Variants in CCDC33 observed in about 807,000 individuals in gnomAD.
CCDC33 encodes the protein coiled-coil domain containing 33.
CCDC33 carries 94 observed loss-of-function variants against 91.9 expected under a neutral mutation model. The observed-to-expected ratio is 1.02, with a 90% CI of 0.87 to 1.21. The LOEUF is 1.21. Ranked by LOEUF, CCDC33 falls within the 50% of genes most tolerant of loss-of-function variation. CCDC33 has a pLI of 0.00. For synonymous variants in CCDC33, 396 were observed against 374.5 expected, an observed-to-expected ratio of 1.06 and a Z score of -0.66; for missense variants, 940 against 935.5, an observed-to-expected ratio of 1.00 and a Z score of -0.06.
chr15:74,328,821 G>A (rs2060364783), intron 11 of CCDC33, among the ~76,000 whole-genome samples: 2 of 152,194 alleles, frequency 1.3e-5, no homozygotes, highest in African/African-American at 4.8e-5. Flanking sequence ...GTTGCTGGGG[G>A]CCGAGCTCTG....
chr15:74,217,265 A>C (rs1320849937), exon 1 of CCDC33: 3 of 1,259,876 alleles, frequency 2.4e-6, no homozygotes, highest in South Asian at 1.4e-5. Flanking sequence ...TTGGTCTCTC[A>C]GTGGCCATGG....
chr15:74,322,632 G>A (rs1401578100), intron 11 of CCDC33, among the ~76,000 whole-genome samples: 2 of 152,302 alleles, frequency 1.3e-5, no homozygotes, highest in Non-Finnish European at 2.9e-5. Flanking sequence ...CTGGAGGAAG[G>A]ACATGTGCTC....
rs778073465 is a variant in CCDC33 at position 74,268,346 on chromosome 15, C to T, written c.434C>T (p.Thr145Ile). Residue 145 changes from threonine to isoleucine, a missense_variant, in exon 5 of 19, where the codon ACT (threonine) becomes ATT (isoleucine). Physicochemically the swap from Thr to Ile is moderately conservative, Grantham distance 89. Transcript: ENST00000398814. The part of the protein sequence containing the change: ...HPYHFELVKP[T>I]ESGKADEATA... The stretch of plus-strand genomic sequence containing the variant: ...CTGCCCCAACCCTGTCTCCAGCCCA[C>T]TGAGTCTGGGAAAGCCGATGAAGCC... The T allele has an allele frequency of 6.2e-7, 1 of 1,612,696 alleles. No individual in the cohort carries two copies. The highest frequency in any genetic ancestry group is 8.5e-7 in the Non-Finnish European group (1 of 1,178,726).
intron 11 of CCDC33, among the ~76,000 whole-genome samples, chr15:74,321,062 C>G (rs917839104): frequency 6.6e-6 from 1 of 151,998 alleles, no homozygotes; most frequent in African/African-American, 2.4e-5. Flanking sequence ...AAACACTAGT[C>G]CCTTTCAGCA....
chr15:74,328,012 T>C (rs1444200593), intron 11 of CCDC33, among the ~76,000 whole-genome samples: 1 of 152,170 alleles, frequency 6.6e-6, no homozygotes, highest in East Asian at 1.9e-4. Flanking sequence ...TTTTCCTGGA[T>C]GTGTGTGTGC....
intron 2 of CCDC33, among the ~76,000 whole-genome samples, chr15:74,219,205 C>T (rs1390739744): frequency 1.3e-5 from 2 of 152,226 alleles, no homozygotes; most frequent in African/African-American, 2.4e-5. Context: ...GGACAGAAGC[C>T]TCCTCTGTGT....
intron 10 of CCDC33, among the ~76,000 whole-genome samples, chr15:74,287,292 G>A (rs952266525): frequency 6.6e-6 from 1 of 152,072 alleles, no homozygotes; most frequent in Non-Finnish European, 1.5e-5. Context: ...CTACCATAAG[G>A]ATGGATCCAG....
intron 2 of CCDC33, among the ~76,000 whole-genome samples, chr15:74,225,117 C>CGTGTGTGTGTGTGTGTGTGTGTGTGT (rs3057568): frequency 1.4e-5 from 2 of 139,832 alleles, no homozygotes; most frequent in African/African-American, 5.5e-5. Flanking sequence ...CTCCTGGAGG[C>CGTGTGTGTGTGTGTGTGTGTGTGTGT]GTGTGTGTGT....
chr15:74,214,370 C>T (rs1439965696), upstream of CCDC33, among the ~76,000 whole-genome samples: 13 of 152,212 alleles, frequency 8.5e-5, no homozygotes, highest in East Asian at 2.5e-3. Context: ...CCACTCACCC[C>T]AGCCCACATC....
chr15:74,226,316 G>A (rs1333597140), intron 2 of CCDC33, among the ~76,000 whole-genome samples: 1 of 152,226 alleles, frequency 6.6e-6, no homozygotes, highest in Non-Finnish European at 1.5e-5. Context: ...CATATGAGCA[G>A]TTATGACTTG....
intron 7 of CCDC33, among the ~76,000 whole-genome samples, chr15:74,278,650 G>T (rs56402620): frequency 0.063 from 9,579 of 152,296 alleles, 395 homozygotes; most frequent in Middle Eastern, 0.15. Context: ...CCACATTTTT[G>T]ATTGTGCTGT....
intron 2 of CCDC33, among the ~76,000 whole-genome samples, chr15:74,245,421 G>A (rs2075492467): frequency 6.6e-6 from 1 of 152,250 alleles, no homozygotes; most frequent in African/African-American, 2.4e-5. Flanking sequence ...CCGTGGTGAG[G>A]GAAGCACAGG....
chr15:74,333,738 G>T, intron 16 of CCDC33, 143 bp from the exon 17 acceptor site: 1 of 605,476 alleles, frequency 1.7e-6, no homozygotes, highest in Non-Finnish European at 2.9e-6. Flanking sequence ...AAGAGGGTTC[G>T]GCCCAGGTCT....
At chr15:74,311,719 C>A (rs2059997272) in intron 11 of CCDC33, 1 of 152,036 alleles carries the variant, frequency 6.6e-6, no homozygotes, top group African/African-American at 2.4e-5. Context: ...TTCTAAGAGT[C>A]GGTATCATAG....
At chr15:74,284,921 C>G (rs966720775) in intron 10 of CCDC33, among the ~76,000 whole-genome samples, 11 of 152,262 alleles carry the variant, frequency 7.2e-5, no homozygotes, top group African/African-American at 2.4e-4. Context: ...CTGGGGCCAT[C>G]AACTCTTCCA....
rs2076350942 is a variant in CCDC33 at position 74,272,705 on chromosome 15, G to A, written c.639-66G>A. On this transcript the variant is annotated intron_variant, in intron 6 of 18. Transcript: ENST00000398814. ...TGCATCAACCCAGAGTCTAAGCGGG[G>A]GGCCCTGGGCTGCCAGGCTCAGGTG... 3 of 1,585,512 alleles carry A rather than the reference G, an allele frequency of 1.9e-6. No individual in the cohort carries two copies. The Admixed American group carries it at 5.2e-5, about 28-fold the overall frequency.
chr15:74,236,769 T>C (rs762800806), intron 1 of CCDC33, 29 bp downstream of exon 1: 2 of 1,611,396 alleles, frequency 1.2e-6, no homozygotes, highest in Admixed American at 1.7e-5. Flanking sequence ...GCCATGCACC[T>C]GCATGAATCC....
At chr15:74,259,775 A>G (rs185041211) in intron 2 of CCDC33, among the ~76,000 whole-genome samples, 9 of 152,296 alleles carry the variant, frequency 5.9e-5, no homozygotes, top group Non-Finnish European at 1.3e-4. Context: ...ACAGGCTGGC[A>G]TGGGGTTCAA....
chr15:74,307,902 C>T (rs1301103950), intron 11 of CCDC33, among the ~76,000 whole-genome samples: 2 of 151,878 alleles, frequency 1.3e-5, no homozygotes, highest in African/African-American at 4.8e-5. Flanking sequence ...CCCTCAACCC[C>T]ACCCATCCCC....
Sources: gnomAD v4.1 joint callset for allele counts (sites outside exome capture counted in the v4.1 genomes callset) on GRCh38, gnomAD v4.1.1 for gene constraint, MANE v1.5 for transcripts, NCBI Gene and HGNC (gene_info 2026-07-23, HGNC 2026-07-21) for gene names.